SAMMSON: variants seen among roughly 807,000 people sequenced by gnomAD.
SAMMSON encodes the protein long intergenic non-protein coding RNA 1212.
At position 70,028,558 on chromosome 3, in the gene SAMMSON, A is replaced by T. The variant is rs537243288; in HGVS notation, n.417+14886A>T. Among the ~76,000 whole-genome samples the T allele has an allele frequency of 2.6e-5, 4 of 152,258 alleles. No individual in the cohort carries two copies. The South Asian group carries it at 8.3e-4, about 32-fold the overall frequency. ...ATCCAGGCCCAGGAAATGCCTGGTT[A>T]TGCATTAGTTGGAAAAAAATCCCTA... On this transcript the variant is annotated intron_variant and non_coding_transcript_variant, in intron 3 of 9. Transcript: ENST00000642114.
intron 7 of SAMMSON, among the ~76,000 whole-genome samples, chr3:70,335,235 C>T (rs1389824363): frequency 6.6e-6 from 1 of 152,046 alleles, no homozygotes; most frequent in Non-Finnish European, 1.5e-5. Flanking sequence ...TCCTTGAGAG[C>T]AAAGTGTGGA....
intron 9 of SAMMSON, among the ~76,000 whole-genome samples, chr3:70,367,890 TTTTG>T (rs1162337103): frequency 2.6e-5 from 4 of 151,660 alleles, no homozygotes; most frequent in African/African-American, 4.8e-5. Context: ...AGTGTCTGTC[TTTTG>T]TTTGTTTTTG....
intron 7 of SAMMSON, among the ~76,000 whole-genome samples, chr3:70,299,390 G>A (rs1702323999): frequency 6.6e-6 from 1 of 152,084 alleles, no homozygotes; most frequent in African/African-American, 2.4e-5. Flanking sequence ...TGTGGGAATT[G>A]AGAATAATTT....
chr3:70,152,398 C>G (rs1403650669), intron 4 of SAMMSON, among the ~76,000 whole-genome samples: 1 of 152,008 alleles, frequency 6.6e-6, no homozygotes, highest in Non-Finnish European at 1.5e-5. Flanking sequence ...GAGTGAAATG[C>G]CTACTACCAA....
chr3:70,013,648 C>T (rs2066968453), exon 3 of SAMMSON: 1 of 152,106 alleles, frequency 6.6e-6, no homozygotes, highest in Non-Finnish European at 1.5e-5. Flanking sequence ...GGCACATCCT[C>T]CTGGAAAGTC....
chr3:70,375,907 T>C (rs1433817282), intron 9 of SAMMSON, among the ~76,000 whole-genome samples: 1 of 152,178 alleles, frequency 6.6e-6, no homozygotes, highest in Non-Finnish European at 1.5e-5. Flanking sequence ...GTAGTTCATA[T>C]ACATGTCTCT....
At chr3:70,162,786 A>G (rs575221851) in intron 4 of SAMMSON, among the ~76,000 whole-genome samples, 3 of 151,422 alleles carry the variant, frequency 2.0e-5, no homozygotes, top group Admixed American at 2.0e-4. Context: ...TATTTCTGTC[A>G]GGGTTTGTTT....
chr3:70,274,098 CG>C (rs1701999881), intron 6 of SAMMSON, among the ~76,000 whole-genome samples: 1 of 104,190 alleles, frequency 9.6e-6, no homozygotes, highest in East Asian at 2.6e-4. Context: ...TGTGCGCGCG[CG>C]CATGTGTGTG....
intron 6 of SAMMSON, among the ~76,000 whole-genome samples, chr3:70,268,573 A>G (rs945347963): frequency 1.3e-5 from 2 of 152,130 alleles, no homozygotes; most frequent in Admixed American, 1.3e-4. Context: ...CATAGTTCAC[A>G]TTCGGGTTCA....
intron 6 of SAMMSON, among the ~76,000 whole-genome samples, chr3:70,273,707 G>A (rs1184813746): frequency 6.6e-6 from 1 of 152,234 alleles, no homozygotes; most frequent in South Asian, 2.1e-4. Context: ...CCACTGGCAG[G>A]CATTACTAAT....
At chr3:70,029,329 T>C (rs1189663411) in intron 3 of SAMMSON, among the ~76,000 whole-genome samples, 2 of 152,202 alleles carry the variant, frequency 1.3e-5, no homozygotes, top group African/African-American at 2.4e-5. Context: ...CTTTGAACAA[T>C]GGATGAGACC....
intron 3 of SAMMSON, among the ~76,000 whole-genome samples, chr3:70,033,952 A>T (rs1444816159): frequency 6.6e-6 from 1 of 152,164 alleles, no homozygotes; most frequent in South Asian, 2.1e-4. Flanking sequence ...TCAGTTTGGG[A>T]TATGTCCTCT....
chr3:70,108,256 G>C (rs2067374703), intron 4 of SAMMSON, among the ~76,000 whole-genome samples: 1 of 151,876 alleles, frequency 6.6e-6, no homozygotes, highest in Non-Finnish European at 1.5e-5. Context: ...ATAGCAACAA[G>C]GCGCCCTGGT....
chr3:70,255,762 G>C (rs966719925), intron 6 of SAMMSON, among the ~76,000 whole-genome samples: 2 of 152,138 alleles, frequency 1.3e-5, no homozygotes, highest in Non-Finnish European at 2.9e-5. Flanking sequence ...CAGCCAGGGG[G>C]CTATTTTTCA....
intron 6 of SAMMSON, among the ~76,000 whole-genome samples, chr3:70,272,988 C>T (rs1455086368): frequency 6.6e-6 from 1 of 152,146 alleles, no homozygotes; most frequent in African/African-American, 2.4e-5. Flanking sequence ...CGGCTTCAGT[C>T]CAGGTCAAAT....
chr3:70,043,277 C>G (rs114041462), intron 3 of SAMMSON, among the ~76,000 whole-genome samples: 1 of 152,084 alleles, frequency 6.6e-6, no homozygotes, highest in African/African-American at 2.4e-5. Context: ...CTGCATCTCA[C>G]GCATCCGTCT....
At chr3:70,409,390 C>T (rs567235623) in intron 2 of SAMMSON, among the ~76,000 whole-genome samples, 2 of 151,436 alleles carry the variant, frequency 1.3e-5, no homozygotes, top group East Asian at 3.9e-4. Flanking sequence ...AAACTTATCA[C>T]ACAACGTTTT....
intron 4 of SAMMSON, among the ~76,000 whole-genome samples, chr3:70,159,238 A>G (rs1164596666): frequency 6.6e-6 from 1 of 151,918 alleles, no homozygotes; most frequent in Non-Finnish European, 1.5e-5. Flanking sequence ...GGTTTGTTAC[A>G]TATGTATACA....
intron 2 of SAMMSON, among the ~76,000 whole-genome samples, chr3:70,427,595 G>A (rs867484709): frequency 4.6e-5 from 7 of 152,002 alleles, no homozygotes; most frequent in Non-Finnish European, 7.4e-5. Context: ...AAAATTAGCC[G>A]GGCATGGTGG....
Sources: allele counts gnomAD v4.1 joint callset (sites outside exome capture counted in the v4.1 genomes callset), GRCh38; gene constraint gnomAD v4.1.1; transcripts MANE v1.5; gene names NCBI Gene and HGNC (gene_info 2026-07-23, HGNC 2026-07-21).